CDH12: variants seen among roughly 807,000 people sequenced by gnomAD.
CDH12 encodes the protein cadherin-12.
Under a neutral mutation model 74.1 loss-of-function variants are expected in CDH12, and 41 were observed. The observed-to-expected ratio is 0.55, with a 90% CI of 0.43 to 0.72. The LOEUF (loss-of-function observed/expected upper bound fraction) is 0.72. Ranked by LOEUF, CDH12 falls within the 30% of genes least tolerant of loss-of-function variation. The pLI is 0.00. For synonymous variants in CDH12, 399 were observed against 355.0 expected, an observed-to-expected ratio of 1.12 and a Z score of -1.39; for missense variants, 945 against 977.2, an observed-to-expected ratio of 0.97 and a Z score of 0.44.
At position 21,914,496 on chromosome 5, in the gene CDH12, C is replaced by T. The variant is rs556313761; in HGVS notation, c.527-59706G>A. On this transcript the variant is annotated intron_variant, in intron 6 of 14. Coordinates refer to ENST00000382254, the MANE Select transcript of CDH12 (RefSeq NM_004061.5). ...CACACATACATACAGTGTATATATA[C>T]ATATATACATACCCATACAAAGAGA... Among the ~76,000 whole-genome samples the T allele has an allele frequency of 2.4e-4, 36 of 152,098 alleles. 1 individual carries two copies. The South Asian group carries it at 7.5e-3, about 32-fold the overall frequency.
At chr5:21,836,989 A>AAC (rs1240365541) in intron 8 of CDH12, among the ~76,000 whole-genome samples, 5 of 151,948 alleles carry the variant, frequency 3.3e-5, no homozygotes, top group Admixed American at 2.6e-4. Flanking sequence ...TTTGGGGGAA[A>AAC]ACACAGGCAT....
rs552847821 is a variant in CDH12 at position 22,075,697 on chromosome 5, C to G, written c.231+2749G>C. ...AAAGCTTTGGGTCAACAGAAGGCTA[C>G]GAGTAGTTAAGTTTTGGGGGAGTCA... is the stretch of plus-strand genomic sequence containing the variant. On this transcript the variant is annotated intron_variant, in intron 5 of 14. Transcript: ENST00000382254. Among the ~76,000 whole-genome samples, 5 of 152,036 alleles carry G rather than the reference C, an allele frequency of 3.3e-5. No homozygotes were observed. The East Asian group carries it at 7.8e-4, about 24-fold the overall frequency.
At chr5:22,707,249 T>C (rs1743058606) in intron 1 of CDH12, among the ~76,000 whole-genome samples, 1 of 152,234 alleles carries the variant, frequency 6.6e-6, no homozygotes, top group Admixed American at 6.5e-5. Flanking sequence ...ATTGTTAATA[T>C]CCTTTAACTG....
chr5:21,937,201 G>T (rs540669113), intron 6 of CDH12, among the ~76,000 whole-genome samples: 25 of 152,226 alleles, frequency 1.6e-4, no homozygotes, highest in Non-Finnish European at 2.9e-4. Context: ...CAATATGGGA[G>T]AATAATTAAA....
At chr5:22,256,194 G>T (rs1753310675) in intron 3 of CDH12, among the ~76,000 whole-genome samples, 1 of 152,150 alleles carries the variant, frequency 6.6e-6, no homozygotes. Context: ...GGTAGAAACA[G>T]ATCACTTTAA....
intron 4 of CDH12, among the ~76,000 whole-genome samples, chr5:22,101,944 T>C (rs1744161506): frequency 6.6e-6 from 1 of 152,174 alleles, no homozygotes; most frequent in Non-Finnish European, 1.5e-5. Flanking sequence ...AACCAATATG[T>C]AACCAAATGG....
chr5:21,967,759 TCAAA>T (rs1290449829), intron 6 of CDH12, among the ~76,000 whole-genome samples: 1 of 152,040 alleles, frequency 6.6e-6, no homozygotes, highest in Non-Finnish European at 1.5e-5. Context: ...AACACAGGAA[TCAAA>T]CAGACGAATA....
chr5:22,761,901 T>A (rs771676462), intron 1 of CDH12, among the ~76,000 whole-genome samples: 7 of 151,590 alleles, frequency 4.6e-5, no homozygotes, highest in Non-Finnish European at 7.4e-5. Flanking sequence ...ACTTTAATCT[T>A]CTACAAAATT....
intron 4 of CDH12, among the ~76,000 whole-genome samples, chr5:22,132,077 C>G (rs1027779814): frequency 1.3e-5 from 2 of 152,008 alleles, no homozygotes; most frequent in African/African-American, 4.8e-5. Context: ...ACTACTATTT[C>G]AATCTCCTCA....
chr5:22,142,176 C>T (rs1281919798), intron 4 of CDH12, among the ~76,000 whole-genome samples: 2 of 152,014 alleles, frequency 1.3e-5, no homozygotes, highest in African/African-American at 4.8e-5. Context: ...ACAGGTCTGG[C>T]ATTCTAAAGT....
chr5:22,411,124 T>C (rs929577675), intron 2 of CDH12, among the ~76,000 whole-genome samples: 16 of 151,666 alleles, frequency 1.1e-4, no homozygotes, highest in African/African-American at 3.6e-4. Context: ...ATAATGGAAA[T>C]AAAGGCAAGA....
chr5:22,121,389 C>T (rs1373655174), intron 4 of CDH12, among the ~76,000 whole-genome samples: 2 of 152,128 alleles, frequency 1.3e-5, no homozygotes, highest in Non-Finnish European at 2.9e-5. Context: ...TACCCAGCAC[C>T]GACTTGGGCT....
At chr5:22,825,864 A>G (rs1170112978) in intron 1 of CDH12, among the ~76,000 whole-genome samples, 2 of 152,210 alleles carry the variant, frequency 1.3e-5, no homozygotes. Flanking sequence ...GCAAATACCT[A>G]GAAATAGAAT....
intron 5 of CDH12, among the ~76,000 whole-genome samples, chr5:22,007,482 T>A (rs1365971485): frequency 6.6e-6 from 1 of 152,136 alleles, no homozygotes; most frequent in African/African-American, 2.4e-5. Flanking sequence ...AGTAAAATGA[T>A]GATGACAAAC....
At chr5:21,810,964 C>G (rs1030049712) in intron 9 of CDH12, among the ~76,000 whole-genome samples, 1 of 152,048 alleles carries the variant, frequency 6.6e-6, no homozygotes, top group African/African-American at 2.4e-5. Context: ...AAGAGTTTTA[C>G]TGATTTACGG....
chr5:21,816,877 C>T (rs1748081353), intron 9 of CDH12, 68 bp downstream of exon 9: 1 of 1,085,934 alleles, frequency 9.2e-7, no homozygotes, highest in Admixed American at 2.5e-5. Context: ...TTGTCATTTT[C>T]AATATTTATT....
At chr5:22,538,712 AT>A (rs1307080227) in intron 1 of CDH12, among the ~76,000 whole-genome samples, 3 of 152,152 alleles carry the variant, frequency 2.0e-5, no homozygotes, top group African/African-American at 7.2e-5. Context: ...CTTCAGACTG[AT>A]TTTTTATAAT....
At chr5:22,688,178 T>C (rs1473688540) in intron 1 of CDH12, among the ~76,000 whole-genome samples, 1 of 152,130 alleles carries the variant, frequency 6.6e-6, no homozygotes, top group Admixed American at 6.6e-5. Context: ...TTAAATGAGA[T>C]AGTATAAGTG....
At chr5:21,986,939 A>T (rs1259279836) in intron 5 of CDH12, among the ~76,000 whole-genome samples, 1 of 152,128 alleles carries the variant, frequency 6.6e-6, no homozygotes, top group East Asian at 1.9e-4. Flanking sequence ...AATCTTTTTA[A>T]CTGAGTTCAA....
Sources: allele counts gnomAD v4.1 joint callset (sites outside exome capture counted in the v4.1 genomes callset), GRCh38; gene constraint gnomAD v4.1.1; transcripts MANE v1.5; gene names NCBI Gene and HGNC (gene_info 2026-07-23, HGNC 2026-07-21).